MYO1H: variants seen among roughly 807,000 people sequenced by gnomAD.
MYO1H encodes the protein myosin IH.
Under a neutral mutation model 149.3 loss-of-function variants are expected in MYO1H, and 118 were observed. That is an observed-to-expected ratio of 0.79 (90% confidence interval 0.68 to 0.92). The LOEUF is 0.92. Among genes scored for constraint, MYO1H ranks in the 40% least tolerant of loss-of-function variants. The probability of loss-of-function intolerance (pLI) is 0.00; values close to 1 mark genes in which losing one functional copy is unlikely to be tolerated. For missense variants in MYO1H, 1,212 were observed against 1,280.7 expected (o/e 0.95, Z 0.82); for synonymous variants, 447 against 465.2 (o/e 0.96, Z 0.50).
At position 109,359,651 on chromosome 12, in the gene MYO1H, G is replaced by A. The variant is rs112905365; in HGVS notation, c.12+11679G>A. On this transcript the variant is annotated intron_variant, in intron 1 of 31. Transcript: ENST00000310903. The stretch of plus-strand genomic sequence containing the variant: ...AAATGTTTTCTAATGAATAATTACT[G>A]AAAGGAAATGGAGGGCTATATGTGT... Among the ~76,000 whole-genome samples the A allele has an allele frequency of 2.3e-3, 352 of 152,286 alleles. 2 individuals carry two copies. The highest frequency in any genetic ancestry group is 8.1e-3 in the African/African-American group (338 of 41,560).
intron 24 of MYO1H, 162 bp from the exon 25 acceptor site, chr12:109,440,582 G>C: frequency 1.7e-6 from 1 of 600,312 alleles, no homozygotes. Flanking sequence ...AAAGTTGGGA[G>C]AGGATCAGGT....
chr12:109,383,901 A>G (rs973477498), intron 1 of MYO1H, among the ~76,000 whole-genome samples: 2 of 152,210 alleles, frequency 1.3e-5, no homozygotes, highest in Admixed American at 1.3e-4. Flanking sequence ...CACTGAGTAC[A>G]TGATACTTCC....
chr12:109,408,063 A>G (rs1420951743), intron 10 of MYO1H, 150 bp downstream of exon 10: 2 of 946,582 alleles, frequency 2.1e-6, no homozygotes, highest in Non-Finnish European at 3.2e-6. Context: ...TCCCATGTCT[A>G]GCATACAGTA....
intron 16 of MYO1H, among the ~76,000 whole-genome samples, chr12:109,422,377 G>A (rs116063464): frequency 0.039 from 5,928 of 152,200 alleles, 158 homozygotes; most frequent in Non-Finnish European, 0.061. Flanking sequence ...CCAGACAGTC[G>A]CTCTCTGGGT....
chr12:109,349,917 C>T (rs765204274), intron 1 of MYO1H, among the ~76,000 whole-genome samples: 13 of 148,804 alleles, frequency 8.7e-5, no homozygotes, highest in Admixed American at 2.0e-4. Context: ...GCGGAGATCA[C>T]GCCACTGCAC....
intron 1 of MYO1H, among the ~76,000 whole-genome samples, chr12:109,368,016 G>A (rs1413155369): frequency 1.3e-5 from 2 of 152,096 alleles, no homozygotes; most frequent in Non-Finnish European, 2.9e-5. Context: ...CACCACTCAT[G>A]GCCAGCAGCA....
intron 22 of MYO1H, among the ~76,000 whole-genome samples, chr12:109,436,860 G>C (rs1023875108): frequency 6.6e-6 from 1 of 152,108 alleles, no homozygotes; most frequent in African/African-American, 2.4e-5. Context: ...AGGCTGAGGC[G>C]CGTGGATTAC....
chr12:109,323,195 A>T, the MYO1H span, among the ~76,000 whole-genome samples: 2 of 152,204 alleles, frequency 1.3e-5, no homozygotes, highest in African/African-American at 4.8e-5. Flanking sequence ...CGTGCAAAGC[A>T]ATTTGAGTAC....
intron 1 of MYO1H, among the ~76,000 whole-genome samples, chr12:109,374,859 A>AT (rs34450261): frequency 0.3 from 44,640 of 146,750 alleles, 7,220 homozygotes; most frequent in Admixed American, 0.43. Flanking sequence ...TGGCCATTTG[A>AT]TTTTTTTTTT....
At chr12:109,323,838 A>G in the MYO1H span, among the ~76,000 whole-genome samples, 2 of 152,102 alleles carry the variant, frequency 1.3e-5, no homozygotes, top group African/African-American at 4.8e-5. Flanking sequence ...AGTGACATAA[A>G]ATCACCCTTT....
At chr12:109,410,350 C>G (rs78252872) in intron 12 of MYO1H, among the ~76,000 whole-genome samples, 1 of 152,174 alleles carries the variant, frequency 6.6e-6, no homozygotes, top group African/African-American at 2.4e-5. Context: ...CTATGTTGCC[C>G]AGGCTGGTCT....
At chr12:109,375,312 GC>G (rs938996051) in intron 1 of MYO1H, among the ~76,000 whole-genome samples, 4 of 151,974 alleles carry the variant, frequency 2.6e-5, no homozygotes, top group African/African-American at 9.7e-5. Context: ...ACCACCACAT[GC>G]AGCTAATTTT....
chr12:109,318,578 A>G, the MYO1H span, among the ~76,000 whole-genome samples: 2 of 152,184 alleles, frequency 1.3e-5, no homozygotes, highest in Admixed American at 6.5e-5. Context: ...CCTCCATGCT[A>G]TTCTTCCCAA....
At position 109,396,814 on chromosome 12, in the gene MYO1H, GTTTTTTTTTTTTT is replaced by G. The variant is rs60551691; in HGVS notation, c.489+250_489+262del. On this transcript the variant is annotated intron_variant, in intron 4 of 31. Coordinates refer to ENST00000310903, the Ensembl canonical transcript of MYO1H. ...GACATTTGGTTTTTGTTTTGGTTTCGTTTTTTTTTTTTTTTTTTTTTTTTTTTTTTGAGACGGA... is the reference window on the plus strand; with the variant it reads ...GACATTTGGTTTTTGTTTTGGTTTCGTTTTTTTTTTTTTTTTTGAGACGGA... Among the ~76,000 whole-genome samples, 11 of 51,088 alleles carry G rather than the reference GTTTTTTTTTTTTT, an allele frequency of 2.2e-4. 1 individual carries two copies. The highest frequency in any genetic ancestry group is 3.2e-4 in the Non-Finnish European group (8 of 25,120). 33.5% of individuals were successfully genotyped at this position (51,088 alleles called of 152,430 possible).
chr12:109,430,129 A>G (rs758919270), intron 19 of MYO1H, among the ~76,000 whole-genome samples: 22 of 152,216 alleles, frequency 1.4e-4, no homozygotes, highest in Non-Finnish European at 2.9e-4. Context: ...ACAGACGATC[A>G]GTCCATAGCA....
At chr12:109,312,209 TTTTG>T in the MYO1H span, among the ~76,000 whole-genome samples, 50 of 116,972 alleles carry the variant, frequency 4.3e-4, no homozygotes, top group South Asian at 1.5e-3. Context: ...CAGTTTTTTT[TTTTG>T]TTTGTTTGTT....
intron 26 of MYO1H, 80 bp from the exon 27 acceptor site, chr12:109,442,137 C>T: frequency 8.1e-7 from 1 of 1,228,242 alleles, no homozygotes; most frequent in Non-Finnish European, 1.2e-6. Context: ...AGATGCATAA[C>T]AAAACTAGCA....
intron 1 of MYO1H, among the ~76,000 whole-genome samples, chr12:109,379,729 C>CTTTTT (rs35773327): frequency 3.9e-5 from 4 of 103,478 alleles, no homozygotes; most frequent in Admixed American, 1.2e-4. Context: ...CAATTTTAAC[C>CTTTTT]TTTTTTTTTT....
chr12:109,397,962 C>G (rs1223110942), intron 5 of MYO1H, 150 bp downstream of exon 5: 1 of 532,640 alleles, frequency 1.9e-6, no homozygotes, highest in Non-Finnish European at 3.3e-6. Context: ...TTAGGAAATG[C>G]AAATTAAGAC....
Sources: gnomAD v4.1 joint callset for allele counts (sites outside exome capture counted in the v4.1 genomes callset) on GRCh38, gnomAD v4.1.1 for gene constraint, MANE v1.5 for transcripts, NCBI Gene and HGNC (gene_info 2026-07-23, HGNC 2026-07-21) for gene names.